Variants in OR9Q1 observed in about 807,000 individuals in gnomAD.
OR9Q1 encodes olfactory receptor 9Q1.
For synonymous variants in OR9Q1, 153 were observed against 148.6 expected (o/e 1.03, Z -0.22); for missense variants, 374 against 378.8 (o/e 0.99, Z 0.11).
At chr11:58,048,496 C>A (rs988048046) in intron 1 of OR9Q1, among the ~76,000 whole-genome samples, 59 of 123,372 alleles carry the variant, frequency 4.8e-4, no homozygotes, top group Non-Finnish European at 4.7e-4. Flanking sequence ...ACTAAAAATA[C>A]AAAAAAAAAA....
At chr11:58,140,298 C>G (rs1854234163) in intron 2 of OR9Q1, among the ~76,000 whole-genome samples, 1 of 152,042 alleles carries the variant, frequency 6.6e-6, no homozygotes, top group Non-Finnish European at 1.5e-5. Flanking sequence ...TAATTAGATC[C>G]CATTTGTCAA....
intron 2 of OR9Q1, among the ~76,000 whole-genome samples, chr11:58,162,213 A>G (rs527443547): frequency 6.6e-6 from 1 of 152,352 alleles, no homozygotes; most frequent in East Asian, 1.9e-4. Flanking sequence ...TACGAGTAAC[A>G]AGAAGTCATT....
intron 2 of OR9Q1, among the ~76,000 whole-genome samples, chr11:58,103,745 A>T (rs1362063192): frequency 6.6e-6 from 1 of 152,172 alleles, no homozygotes; most frequent in Admixed American, 6.5e-5. Context: ...AGTAGCTTTC[A>T]TAAGGAAAGA....
At chr11:58,088,606 C>T (rs1339351153) in intron 2 of OR9Q1, among the ~76,000 whole-genome samples, 5 of 151,936 alleles carry the variant, frequency 3.3e-5, no homozygotes, top group Admixed American at 2.0e-4. Flanking sequence ...GTTTGTTGGC[C>T]GCATAAGTGT....
intron 2 of OR9Q1, among the ~76,000 whole-genome samples, chr11:58,147,303 T>A (rs1224357215): frequency 6.6e-6 from 1 of 152,162 alleles, no homozygotes; most frequent in East Asian, 1.9e-4. Flanking sequence ...TAGACACAGG[T>A]ATACACTATC....
chr11:58,053,648 TATATATATATAAA>T (rs1853296949), intron 1 of OR9Q1, among the ~76,000 whole-genome samples: 18 of 144,110 alleles, frequency 1.2e-4, no homozygotes, highest in Admixed American at 1.4e-4. Context: ...ATATATAAAT[TATATATATATAAA>T]ATATATATAT....
chr11:58,115,320 CA>C (rs1457098976), intron 2 of OR9Q1, among the ~76,000 whole-genome samples: 2 of 152,032 alleles, frequency 1.3e-5, no homozygotes, highest in Non-Finnish European at 2.9e-5. Flanking sequence ...TTTAATTTCT[CA>C]GATCTAAAGC....
chr11:58,118,070 C>A (rs1183871826), intron 2 of OR9Q1: 1 of 154,478 alleles, frequency 6.5e-6, no homozygotes, highest in Non-Finnish European at 1.4e-5. Flanking sequence ...AAAAAAAGGC[C>A]AATTTGTGCA....
chr11:58,087,383 A>C (rs1230712636), intron 2 of OR9Q1, among the ~76,000 whole-genome samples: 1 of 151,792 alleles, frequency 6.6e-6, no homozygotes, highest in African/African-American at 2.4e-5. Context: ...TACAGTATGA[A>C]GTCATTTGTG....
chr11:58,059,714 AAAGG>A (rs1853361873), intron 2 of OR9Q1, among the ~76,000 whole-genome samples: 2 of 149,750 alleles, frequency 1.3e-5, no homozygotes, highest in African/African-American at 4.9e-5. Flanking sequence ...AAAAAAAAAA[AAAGG>A]AAAGGGAGAA....
chr11:58,148,110 C>T (rs1447180), intron 2 of OR9Q1, among the ~76,000 whole-genome samples: 92,581 of 151,912 alleles, frequency 0.61, 29,987 homozygotes, highest in South Asian at 0.8. Context: ...ACCAAGAGGC[C>T]AAAGTACTAT....
intron 2 of OR9Q1, among the ~76,000 whole-genome samples, chr11:58,149,557 CCTT>C (rs1854330038): frequency 6.6e-6 from 1 of 152,176 alleles, no homozygotes; most frequent in Non-Finnish European, 1.5e-5. Context: ...TCACCACTAT[CCTT>C]CTCCAGAACT....
chr11:58,129,260 TGTGTG>T (rs1565084920), intron 2 of OR9Q1, among the ~76,000 whole-genome samples: 4 of 148,112 alleles, frequency 2.7e-5, no homozygotes, highest in Non-Finnish European at 5.9e-5. Flanking sequence ...TGTGTGTGTG[TGTGTG>T]TGTGTGTGTA....
intron 2 of OR9Q1, among the ~76,000 whole-genome samples, chr11:58,134,355 A>G (rs530800452): frequency 6.6e-6 from 1 of 152,336 alleles, no homozygotes; most frequent in Non-Finnish European, 1.5e-5. Context: ...AGGCTGTAGG[A>G]GACCTAGGCT....
intron 2 of OR9Q1, among the ~76,000 whole-genome samples, chr11:58,146,373 A>G (rs1235602192): frequency 1.1e-4 from 16 of 152,204 alleles, no homozygotes; most frequent in Non-Finnish European, 8.8e-5. Flanking sequence ...TACCTGGGAA[A>G]TATCTCCATG....
intron 2 of OR9Q1, among the ~76,000 whole-genome samples, chr11:58,141,384 A>C (rs1282287918): frequency 6.6e-6 from 1 of 152,070 alleles, no homozygotes; most frequent in Non-Finnish European, 1.5e-5. Flanking sequence ...TTATTTTGAC[A>C]TATGTCCCAT....
intron 2 of OR9Q1, among the ~76,000 whole-genome samples, chr11:58,131,521 A>T (rs1183446874): frequency 9.9e-5 from 15 of 152,046 alleles, no homozygotes; most frequent in Admixed American, 9.8e-4. Context: ...TTATAACATT[A>T]TATAACAATG....
chr11:58,126,990 GC>G (rs1352491049), intron 2 of OR9Q1, among the ~76,000 whole-genome samples: 10 of 152,066 alleles, frequency 6.6e-5, no homozygotes, highest in African/African-American at 2.4e-4. Context: ...TTGCTCTGTC[GC>G]CCAGGCTGGA....
At chr11:58,118,370 G>C in intron 2 of OR9Q1, 1 of 640,046 alleles carries the variant, frequency 1.6e-6, no homozygotes, top group East Asian at 2.6e-5. Flanking sequence ...AGTTTTTCCT[G>C]TGTGCCTGGT....
Sources: gnomAD v4.1 joint callset for allele counts (sites outside exome capture counted in the v4.1 genomes callset) on GRCh38, gnomAD v4.1.1 for gene constraint, MANE v1.5 for transcripts, NCBI Gene and HGNC (gene_info 2026-07-23, HGNC 2026-07-21) for gene names.